Variants in EFCAB8 observed in about 807,000 individuals in gnomAD.
EFCAB8 encodes the protein EF-hand calcium-binding domain-containing protein 8.
Under a neutral mutation model 116.3 loss-of-function variants are expected in EFCAB8, and 100 were observed. The ratio of observed to expected loss-of-function variants is 0.86; its 90% CI spans 0.73 to 1.02. The LOEUF (loss-of-function observed/expected upper bound fraction) is 1.02, where lower values mean the gene tolerates loss of function less well. Ranked by LOEUF, EFCAB8 falls within the 50% of genes least tolerant of loss-of-function variation. The pLI is 0.00. For synonymous variants in EFCAB8, 558 were observed against 567.9 expected (o/e 0.98, Z 0.25); for missense variants, 1,320 against 1,416.9 (o/e 0.93, Z 1.10).
rs551484029 is a variant in EFCAB8 at position 32,905,647 on chromosome 20, C to A, written c.1089-915C>A. On this transcript the variant is annotated intron_variant, in intron 11 of 26. Transcript: ENST00000400522. ...TGGTGGTGTGTACCTGTAATCCCAG[C>A]TACTCTGGAGGCTGAAGCAGGAGAA... Among the ~76,000 whole-genome samples the A allele has an allele frequency of 7.9e-5, 12 of 151,968 alleles. No individual in the cohort carries two copies. In the South Asian group the frequency reaches 2.5e-3, roughly 32 times the overall value.
Position 32,889,376 on chromosome 20 carries a change from G to A in EFCAB8, c.643G>A (p.Val215Ile), listed in dbSNP as rs776670694. The A allele has an allele frequency of 2.1e-5, 32 of 1,551,732 alleles. No homozygotes were observed. The highest frequency in any genetic ancestry group is 2.4e-5 in the Non-Finnish European group (28 of 1,147,026). Reference sequence around the variant, plus strand: ...GGTATGTCTGCACAATATGAACCTCGTTGCAGTTGCGTCTACCAGGCAAAA... The same window carrying A: ...GGTATGTCTGCACAATATGAACCTCATTGCAGTTGCGTCTACCAGGCAAAA... ...DMVCLHNMNLVAVASTRQKID... is the reference protein window; with the variant it reads ...DMVCLHNMNLIAVASTRQKID... The change falls in exon 7 of 27, where the codon GTT becomes ATT. Residue 215 changes from valine to isoleucine, a missense_variant. Val to Ile is a conservative substitution (Grantham distance 29). Transcript: ENST00000400522.
At chr20:32,944,990 TAA>T (rs57551001) in intron 23 of EFCAB8, among the ~76,000 whole-genome samples, 3,666 of 151,990 alleles carry the variant, frequency 0.024, 145 homozygotes, top group African/African-American at 0.082. Context: ...ATAAATCCCT[TAA>T]GTTTTCTTTA....
At chr20:32,884,841 A>G (rs1985526669) in intron 5 of EFCAB8, among the ~76,000 whole-genome samples, 1 of 152,188 alleles carries the variant, frequency 6.6e-6, no homozygotes, top group Non-Finnish European at 1.5e-5. Flanking sequence ...CTGGAGTGGC[A>G]GGGACTCTCA....
rs994623975 is a variant in EFCAB8, at chr20:32,920,206, G to A, written c.2403G>A (p.Ser801=). The A allele has an allele frequency of 1.4e-5, 22 of 1,551,488 alleles. No homozygotes were observed. Among genetic ancestry groups the A allele is most frequent in the Admixed American group, 9.8e-5 (5 of 50,968 alleles). Residue 801 remains serine, a synonymous_variant, in exon 20 of 27, where the codon TCG becomes TCA. Coordinates refer to ENST00000400522, the MANE Select transcript of EFCAB8 (RefSeq NM_001143967.2). ...ATATGTTGGTTCAATCCAGTGCCTC[G>A]GTGGAGAAGGTTGGCCGTGATCAGC... The part of the protein sequence containing the change: ...QKNMLVQSSA[S]VEKIIFLQTR...
At chr20:32,948,296 C>T (rs1039222729) in intron 23 of EFCAB8, among the ~76,000 whole-genome samples, 8 of 151,998 alleles carry the variant, frequency 5.3e-5, no homozygotes, top group African/African-American at 1.2e-4. Context: ...ACAGATAACC[C>T]GAATATCCTT....
chr20:32,935,211 T>TTTTTTTTTTTTTTTTTTTTG, intron 22 of EFCAB8, among the ~76,000 whole-genome samples: 1 of 130,614 alleles, frequency 7.7e-6, no homozygotes, highest in Non-Finnish European at 1.6e-5. Flanking sequence ...TTTTTTTTTT[T>TTTTTTTTTTTTTTTTTTTTG]TTTTTTGAGA....
At chr20:32,938,154 A>G (rs1988194926) in intron 22 of EFCAB8, among the ~76,000 whole-genome samples, 2 of 150,124 alleles carry the variant, frequency 1.3e-5, no homozygotes, top group South Asian at 4.2e-4. Flanking sequence ...AAAGTTGGCT[A>G]AATATCCAAA....
rs184035694 is a variant in EFCAB8, at chr20:32,895,579, T to C, written c.884-875T>C. ...ATCTTTTTTCTTTCTTTCTTTCTTT[T>C]TTTTTTTTTTAAGGCAGAGTCTTGC... On this transcript the variant is annotated intron_variant, in intron 9 of 26. Coordinates refer to ENST00000400522, the MANE Select transcript of EFCAB8 (RefSeq NM_001143967.2). Among the ~76,000 whole-genome samples the C allele has an allele frequency of 3.6e-3, 549 of 150,606 alleles. 1 individual carries two copies. Among genetic ancestry groups the C allele is most frequent in the African/African-American group, 0.012 (513 of 41,068 alleles).
At chr20:32,909,157 CAT>C (rs1302561762) in intron 14 of EFCAB8, among the ~76,000 whole-genome samples, 4 of 152,238 alleles carry the variant, frequency 2.6e-5, no homozygotes, top group South Asian at 4.1e-4. Context: ...TGGTCGGTGA[CAT>C]GTGTGTCATC....
In EFCAB8 at chr20:32,960,091, A is replaced by T. The variant is rs567517689; in HGVS notation, c.3323A>T (p.Lys1108Met). ...AGCAAAGTCTTGGGAGCGGCGTATA[A>T]GCCCAAGGAACGCTTGCAGAATACC... is the stretch of plus-strand genomic sequence containing the variant. ...QVSKVLGAAY[K>M]PKERLQNTRF... The change falls in exon 26 of 27, where the codon AAG (lysine) becomes ATG (methionine). Residue 1108 changes from lysine (K) to methionine (M), a missense_variant. Coordinates refer to ENST00000400522, the MANE Select transcript of EFCAB8 (RefSeq NM_001143967.2). 1.9e-6 allele frequency: 3 copies of T among 1,551,590 alleles called. No homozygotes were observed. The Admixed American group carries it at 5.9e-5, about 30-fold the overall frequency.
Position 32,930,483 on chromosome 20 carries a change from C to T in EFCAB8, c.2498C>T (p.Ser833Phe). 1.9e-6 allele frequency: 3 copies of T among 1,551,986 alleles called. No individual in the cohort carries two copies. Among genetic ancestry groups the T allele is most frequent in the South Asian group, 1.2e-5 (1 of 84,048 alleles). Residue 833 changes from serine to phenylalanine, a missense_variant, in exon 21 of 27, where the codon TCC becomes TTC. By Grantham distance (155) the Ser-to-Phe change is radical (BLOSUM62 -2). Transcript: ENST00000400522. ...SCMDGYIYAW[S>F]LHENGGLLGK... ...ATGGACGGCTACATCTACGCCTGGT[C>T]CCTCCATGAGAATGGAGGCCTGCTG...
At chr20:32,911,823 T>C in intron 16 of EFCAB8, 116 bp downstream of exon 16, 3 of 1,059,788 alleles carry the variant, frequency 2.8e-6, no homozygotes, top group Non-Finnish European at 4.2e-6. Context: ...TTCATCATAG[T>C]CAGGTGGCCT....
At chr20:32,959,038 A>G (rs1036114787) in intron 24 of EFCAB8, among the ~76,000 whole-genome samples, 18 of 152,146 alleles carry the variant, frequency 1.2e-4, no homozygotes, top group African/African-American at 4.3e-4. Flanking sequence ...CACTCCATCC[A>G]CTGCATCTTT....
chr20:32,932,865 G>A (rs185681258), intron 22 of EFCAB8, among the ~76,000 whole-genome samples: 1 of 152,280 alleles, frequency 6.6e-6, no homozygotes, highest in Admixed American at 6.5e-5. Context: ...GCAGTCTTAT[G>A]TGCCTTTTGA....
At chr20:32,902,967 C>G (rs1986499915) in intron 11 of EFCAB8, among the ~76,000 whole-genome samples, 1 of 152,236 alleles carries the variant, frequency 6.6e-6, no homozygotes, top group Non-Finnish European at 1.5e-5. Flanking sequence ...CTGCCACCAC[C>G]ACCTAGTTGA....
intron 6 of EFCAB8, among the ~76,000 whole-genome samples, chr20:32,887,665 T>G (rs1985700383): frequency 6.6e-6 from 1 of 152,206 alleles, no homozygotes; most frequent in Non-Finnish European, 1.5e-5. Flanking sequence ...TGGGCTGGCC[T>G]CCCTCTTCCC....
intron 23 of EFCAB8, 85 bp downstream of exon 23, chr20:32,943,889 A>T (rs905104202): frequency 2.4e-6 from 1 of 412,642 alleles, no homozygotes; most frequent in African/African-American, 2.1e-5. Context: ...TGAACTTTGT[A>T]CTCTGTGGGG....
intron 14 of EFCAB8, among the ~76,000 whole-genome samples, chr20:32,909,448 T>C (rs1986818445): frequency 6.6e-6 from 1 of 152,190 alleles, no homozygotes; most frequent in South Asian, 2.1e-4. Flanking sequence ...GGTAGAGTTG[T>C]GCTTTTTGGA....
At chr20:32,880,209 G>A (rs1417233850) in intron 5 of EFCAB8, among the ~76,000 whole-genome samples, 1 of 152,070 alleles carries the variant, frequency 6.6e-6, no homozygotes. Context: ...AGGCAGCCCC[G>A]GTCCTCAGGC....
Sources: gnomAD v4.1 joint callset for allele counts (sites outside exome capture counted in the v4.1 genomes callset) on GRCh38, gnomAD v4.1.1 for gene constraint, MANE v1.5 for transcripts, NCBI Gene and HGNC (gene_info 2026-07-23, HGNC 2026-07-21) for gene names.